Variants in ZNF585A observed in about 807,000 individuals in gnomAD.
ZNF585A encodes zinc finger protein 585A.
A neutral mutation model predicts 14.9 loss-of-function variants in ZNF585A; 9 were observed. That is an observed-to-expected ratio of 0.60 (90% CI 0.36 to 1.05). The LOEUF (loss-of-function observed/expected upper bound fraction) is 1.05. Among genes scored for constraint, ZNF585A ranks in the 50% least tolerant of loss-of-function variants. The pLI, the probability that ZNF585A is intolerant of heterozygous loss-of-function variation, is 0.01. For missense variants in ZNF585A, 726 were observed against 926.4 expected (o/e 0.78, Z 2.81); for synonymous variants, 276 against 319.9 (o/e 0.86, Z 1.46).
At chr19:37,165,594 C>A in intron 2 of ZNF585A, 1 of 975,546 alleles carries the variant, frequency 1.0e-6, no homozygotes, top group Non-Finnish European at 1.2e-6. Flanking sequence ...TAAAAACCTA[C>A]TAGGCTATTG....
chr19:37,153,384 T>G lies in ZNF585A; in HGVS notation c.515A>C (p.Glu172Ala). Residue 172 changes from glutamate to alanine, a missense_variant, in exon 5 of 5, where the codon GAA becomes GCA. Transcript: ENST00000292841. ...ECGKAFVQKP[E>A]FIIHQKTHMR... is the part of the protein sequence containing the mutation. Reference sequence around the variant, plus strand: ...ATGGGTTTTCTGGTGTATAATAAATTCTGGCTTCTGTACAAAAGCCTTCCC... The same window carrying G: ...ATGGGTTTTCTGGTGTATAATAAATGCTGGCTTCTGTACAAAAGCCTTCCC... 6.2e-7 allele frequency: 1 copy of G among 1,614,034 alleles called. No homozygotes were observed. Among genetic ancestry groups the G allele is most frequent in the East Asian group, 2.2e-5 (1 of 44,880 alleles).
At chr19:37,169,714 C>G in intron 2 of ZNF585A, 125 bp downstream of exon 2, 1 of 1,037,194 alleles carries the variant, frequency 9.6e-7, no homozygotes, top group African/African-American at 1.6e-5. Context: ...TCAGGAGCAG[C>G]AGGTCTAGAG....
intron 2 of ZNF585A, among the ~76,000 whole-genome samples, chr19:37,158,090 G>A (rs1299503529): frequency 6.6e-6 from 1 of 151,998 alleles, no homozygotes; most frequent in Non-Finnish European, 1.5e-5. Context: ...GTTTCACCAT[G>A]CTGGCCAGGA....
In ZNF585A at chr19:37,156,232, C is replaced by A. The variant is rs145144919; in HGVS notation, c.196G>T (p.Val66Leu). 3.1e-6 allele frequency: 5 copies of A among 1,614,054 alleles called. No homozygotes were observed. The highest frequency in any genetic ancestry group is 4.2e-6 in the Non-Finnish European group (5 of 1,179,946). The stretch of plus-strand genomic sequence containing the variant: ...ATACCAAGGTGACTGTGCTTACCTA[C>A]TGAGAGCAGGTGGCTGTAGGTCTCC... Reference protein sequence around the residue: ...MLETYSHLLSVGYQVPEAEVV... With the variant: ...MLETYSHLLSLGYQVPEAEVV... Residue 66 changes from valine to leucine, a missense_variant, in exon 3 of 5, where the codon GTA (valine) becomes TTA (leucine). By Grantham distance (32) the Val-to-Leu change is conservative (BLOSUM62 1). This residue lies in a region of ZNF585A where 483 missense variants were observed against 542.8 expected (regional missense o/e 0.89). Transcript: ENST00000292841.
intron 2 of ZNF585A, 114 bp downstream of exon 2, chr19:37,169,725 T>A: frequency 8.2e-7 from 1 of 1,218,108 alleles, no homozygotes. Flanking sequence ...AGGTCTAGAG[T>A]CCAGCTGCTT....
chr19:37,169,741 G>A, intron 2 of ZNF585A, 98 bp downstream of exon 2: 1 of 1,445,858 alleles, frequency 6.9e-7, no homozygotes, highest in Non-Finnish European at 9.5e-7. Context: ...TGCTTCCTGT[G>A]GCCCAGCTCC....
At chr19:37,160,861 T>C (rs1176267050) in intron 2 of ZNF585A, among the ~76,000 whole-genome samples, 1 of 152,086 alleles carries the variant, frequency 6.6e-6, no homozygotes, top group African/African-American at 2.4e-5. Context: ...ATTCTTTTTT[T>C]CTTCTTCTTT....
At chr19:37,168,125 T>G (rs1202266414) in intron 2 of ZNF585A, among the ~76,000 whole-genome samples, 1 of 152,230 alleles carries the variant, frequency 6.6e-6, no homozygotes, top group Non-Finnish European at 1.5e-5. Flanking sequence ...TTATAATTAT[T>G]TGTATATTCT....
In ZNF585A at chr19:37,148,395, A is replaced by AACACACAC. The variant is rs34796636; in HGVS notation, c.*3186_*3193dup. ...AAAGGAGATATACATACACGTACAA[A>AACACACAC]ACACACACACACACACACACACACA... On this transcript the variant is annotated 3_prime_UTR_variant, in exon 5 of 5. Transcript: ENST00000292841. 18 of 148,892 alleles carry AACACACAC rather than the reference A, an allele frequency of 1.2e-4. No individual in the cohort carries two copies. In the East Asian group the frequency reaches 1.4e-3, roughly 11 times the overall value. 9.2% of individuals were successfully genotyped at this position (148,892 alleles called of 1,614,324 possible). A position where few individuals can be genotyped will look rare whatever the true frequency, so the allele number is the denominator to read the frequency against.
Position 37,151,956 on chromosome 19 carries a change from T to C in ZNF585A, c.1943A>G (p.Asn648Ser). ...ECGKAFSGRS[N>S]LSKHQKTHTG... Reference sequence around the variant, plus strand: ...ATGAGTTTTCTGGTGCTTACTGAGATTTGACCTGCCACTAAAGGCCTTCCC... The same window carrying C: ...ATGAGTTTTCTGGTGCTTACTGAGACTTGACCTGCCACTAAAGGCCTTCCC... The change falls in exon 5 of 5, where the codon AAT (asparagine) becomes AGT (serine). Residue 648 changes from asparagine (N) to serine (S), a missense_variant. This residue lies in a region of ZNF585A where 243 missense variants were observed against 383.6 expected (regional missense o/e 0.63). Transcript: ENST00000292841. The C allele has an allele frequency of 1.9e-6, 3 of 1,613,852 alleles. No homozygotes were observed. Among genetic ancestry groups the C allele is most frequent in the Non-Finnish European group, 2.5e-6 (3 of 1,179,986 alleles).
Position 37,153,359 on chromosome 19 carries a change from A to T in ZNF585A, c.540T>A (p.His180Gln), listed in dbSNP as rs1336073303. The T allele has an allele frequency of 6.2e-7, 1 of 1,614,086 alleles. No individual in the cohort carries two copies. Among genetic ancestry groups the T allele is most frequent in the Non-Finnish European group, 8.5e-7 (1 of 1,180,010 alleles). The part of the protein sequence containing the change: ...KPEFIIHQKT[H>Q]MREKPFKCNE... ...TGCATTTAAAGGGTTTCTCTCTCAT[A>T]TGGGTTTTCTGGTGTATAATAAATT... The change falls in exon 5 of 5, where the codon CAT becomes CAA. Residue 180 changes from histidine (H) to glutamine (Q), a missense_variant. Coordinates refer to ENST00000292841, the MANE Select transcript of ZNF585A (RefSeq NM_001288800.2).
chr19:37,147,405 G>A lies in ZNF585A; in HGVS notation c.*4184C>T, dbSNP rs1483277144. On this transcript the variant is annotated 3_prime_UTR_variant, in exon 5 of 5. Transcript: ENST00000292841. ...ATGTTAAAACAGCCAGAATTGAGAT[G>A]CCTGACAAATAAAAATGTTGACTAA... 1 of 152,164 alleles carries A rather than the reference G, an allele frequency of 6.6e-6. No individual in the cohort carries two copies. The highest frequency in any genetic ancestry group is 1.5e-5 in the Non-Finnish European group (1 of 68,024). The allele number at this position is 152,164 out of a possible 1,614,324, so 9.4% of individuals were successfully genotyped here.
intron 2 of ZNF585A, 26 bp downstream of exon 2, chr19:37,169,813 A>AC (rs1259915151): frequency 1.1e-5 from 18 of 1,607,400 alleles, no homozygotes; most frequent in Non-Finnish European, 1.4e-5. Context: ...TTGAATTCCC[A>AC]CCCCCCTGGG....
rs1474908504 is a variant in ZNF585A at position 37,148,965 on chromosome 19, CAG to C, written c.*2622_*2623del. 6.6e-6 allele frequency: 1 copy of C among 152,042 alleles called. No homozygotes were observed. The highest frequency in any genetic ancestry group is 1.5e-5 in the Non-Finnish European group (1 of 68,012). 9.4% of individuals were successfully genotyped at this position (152,042 alleles called of 1,614,324 possible). On this transcript the variant is annotated 3_prime_UTR_variant, in exon 5 of 5. Transcript: ENST00000292841. ...AAGATCAAAGGTAAAACTATGGAGA[CAG>C]AAAAAATGTTGCCAGGATTAGAGGA...
Position 37,153,119 on chromosome 19 carries a change from A to G in ZNF585A, c.780T>C (p.His260=). Residue 260 remains histidine (H), a synonymous_variant, in exon 5 of 5, where the codon CAT becomes CAC. Coordinates refer to ENST00000292841, the MANE Select transcript of ZNF585A (RefSeq NM_001288800.2). The stretch of plus-strand genomic sequence containing the variant: ...ATCTCTCGCCTGTATGGATTTTCTG[A>G]TGCATCTTGAGTGTGGACTTTTGTG... ...AFTQKSTLKM[H]QKIHTGERSY... 1 of 1,614,140 alleles carries G rather than the reference A, an allele frequency of 6.2e-7. No individual in the cohort carries two copies. Among genetic ancestry groups the G allele is most frequent in the Non-Finnish European group, 8.5e-7 (1 of 1,180,016 alleles).
intron 2 of ZNF585A, among the ~76,000 whole-genome samples, chr19:37,169,449 A>G (rs1972148106): frequency 6.6e-6 from 1 of 151,820 alleles, no homozygotes. Context: ...AAAAAAAAAA[A>G]AAGAAAGAAA....
chr19:37,156,680 C>T (rs553370980), intron 2 of ZNF585A, among the ~76,000 whole-genome samples: 6 of 151,210 alleles, frequency 4.0e-5, no homozygotes, highest in Non-Finnish European at 8.8e-5. Context: ...CACCACACTT[C>T]TTCCTAATAC....
chr19:37,155,163 G>A (rs1971905906), intron 4 of ZNF585A, among the ~76,000 whole-genome samples: 1 of 151,918 alleles, frequency 6.6e-6, no homozygotes, highest in Non-Finnish European at 1.5e-5. Context: ...ACGGCGCCCG[G>A]CTAATTTTTT....
chr19:37,159,332 C>T (rs1470395122), intron 2 of ZNF585A, among the ~76,000 whole-genome samples: 9 of 150,218 alleles, frequency 6.0e-5, no homozygotes, highest in Admixed American at 6.0e-4. Flanking sequence ...GATCTTTATA[C>T]TATTATCTTT....
Sources: allele counts gnomAD v4.1 joint callset (sites outside exome capture counted in the v4.1 genomes callset), GRCh38; gene constraint gnomAD v4.1.1; regional missense constraint gnomAD v4.1.1; transcripts MANE v1.5; gene names NCBI Gene and HGNC (gene_info 2026-07-23, HGNC 2026-07-21).